Variants in ZNF536 observed in about 807,000 individuals in gnomAD.
ZNF536 encodes the protein zinc finger protein 536.
In ZNF536, 13 loss-of-function variants were observed where a neutral mutation model predicts 84.5. That is an observed-to-expected ratio of 0.15 (90% CI 0.10 to 0.24). The LOEUF is 0.24. ZNF536 is among the 10% of genes least tolerant of loss of function. The pLI is 1.00. For missense variants in ZNF536, 1,536 were observed against 1,747.5 expected (o/e 0.88, Z 2.16); for synonymous variants, 811 against 742.5 (o/e 1.09, Z -1.50).
chr19:30,693,635 A>T (rs1042545870), intron 1 of ZNF536, among the ~76,000 whole-genome samples: 1 of 151,704 alleles, frequency 6.6e-6, no homozygotes, highest in African/African-American at 2.4e-5. Context: ...TTATTTATTT[A>T]TGTCTGCCAC....
At chr19:30,324,734 A>T (rs1266783979) in intron 2 of ZNF536, among the ~76,000 whole-genome samples, 4 of 152,172 alleles carry the variant, frequency 2.6e-5, no homozygotes. Context: ...GAGATCACCA[A>T]CAATGATACA....
Position 30,451,834 on chromosome 19 carries a change from G to A in ZNF536, c.2170+6102G>A, listed in dbSNP as rs1045432240. On this transcript the variant is annotated intron_variant, in intron 2 of 4. Transcript: ENST00000355537. ...AGCTCCATGAAGCTCTCCTCCCTAT[G>A]CATGTTAGCGCAAGGGACGGAACAG... 2.6e-5 allele frequency among the ~76,000 whole-genome samples: 4 copies of A among 152,168 alleles called. No homozygotes were observed. The East Asian group carries it at 7.7e-4, about 29-fold the overall frequency.
intron 1 of ZNF536, among the ~76,000 whole-genome samples, chr19:30,652,164 A>C (rs191519453): frequency 5.9e-4 from 90 of 152,356 alleles, no homozygotes; most frequent in African/African-American, 2.1e-3. Context: ...TGTTCATTAT[A>C]AAATATGAAA....
At chr19:30,324,079 C>T (rs564089786) in intron 2 of ZNF536, among the ~76,000 whole-genome samples, 10 of 151,978 alleles carry the variant, frequency 6.6e-5, no homozygotes, top group African/African-American at 2.4e-4. Flanking sequence ...CATCATCATC[C>T]ATCATCTATT....
chr19:30,437,702 TG>T (rs906623584), intron 1 of ZNF536, among the ~76,000 whole-genome samples: 2 of 151,862 alleles, frequency 1.3e-5, no homozygotes, highest in Non-Finnish European at 2.9e-5. Context: ...AGGTCAGGAC[TG>T]GGGGGGAATG....
intron 1 of ZNF536, among the ~76,000 whole-genome samples, chr19:30,250,770 C>T (rs2145070009): frequency 6.6e-6 from 1 of 152,056 alleles, no homozygotes; most frequent in East Asian, 1.9e-4. Flanking sequence ...ATTCAAAAGG[C>T]ACCATAAAGG....
intron 1 of ZNF536, among the ~76,000 whole-genome samples, chr19:30,245,846 G>A (rs2024233220): frequency 6.6e-6 from 1 of 152,258 alleles, no homozygotes; most frequent in South Asian, 2.1e-4. Context: ...CTTGGTCTGA[G>A]GTTGGCCACG....
chr19:30,454,957 C>T (rs572373690), intron 2 of ZNF536, among the ~76,000 whole-genome samples: 8 of 152,242 alleles, frequency 5.3e-5, no homozygotes, highest in African/African-American at 1.4e-4. Context: ...CGCTTGAATC[C>T]GGGAGGAGGA....
chr19:30,529,545 A>C (rs2044721627), intron 2 of ZNF536, among the ~76,000 whole-genome samples: 1 of 152,188 alleles, frequency 6.6e-6, no homozygotes, highest in African/African-American at 2.4e-5. Context: ...TGGGGAAAGC[A>C]TGCACCTTCA....
chr19:30,406,512 T>G (rs560989198), intron 1 of ZNF536, among the ~76,000 whole-genome samples: 3 of 152,250 alleles, frequency 2.0e-5, no homozygotes, highest in African/African-American at 7.2e-5. Context: ...AAGGATACAT[T>G]GTAGGGCTAT....
At chr19:30,425,130 T>C (rs149614442) in intron 1 of ZNF536, among the ~76,000 whole-genome samples, 5 of 151,924 alleles carry the variant, frequency 3.3e-5, no homozygotes, top group East Asian at 3.9e-4. Flanking sequence ...AGAGTACACA[T>C]TGGGTACAGT....
At chr19:30,405,193 G>T (rs1176285332) in intron 1 of ZNF536, among the ~76,000 whole-genome samples, 2 of 152,110 alleles carry the variant, frequency 1.3e-5, no homozygotes, top group Non-Finnish European at 2.9e-5. Flanking sequence ...CAGAATATAG[G>T]GTGAGACCCT....
chr19:30,268,084 C>T (rs565365070), intron 1 of ZNF536, among the ~76,000 whole-genome samples: 2 of 103,866 alleles, frequency 1.9e-5, no homozygotes, highest in African/African-American at 3.1e-5. Flanking sequence ...TTCCCTCCCC[C>T]CCAGATATAT....
chr19:30,281,303 C>T (rs1421173258), intron 1 of ZNF536, among the ~76,000 whole-genome samples: 1 of 152,210 alleles, frequency 6.6e-6, no homozygotes, highest in Non-Finnish European at 1.5e-5. Context: ...TCAGCCTTCC[C>T]TTCTTTAGCC....
intron 1 of ZNF536, among the ~76,000 whole-genome samples, chr19:30,253,733 C>T (rs1040808728): frequency 2.0e-5 from 3 of 151,920 alleles, no homozygotes; most frequent in East Asian, 1.9e-4. Flanking sequence ...TGTGGGGTGG[C>T]GCCGACAGCT....
chr19:30,518,941 C>A (rs538440785), intron 2 of ZNF536, among the ~76,000 whole-genome samples: 2 of 152,286 alleles, frequency 1.3e-5, no homozygotes, highest in African/African-American at 4.8e-5. Flanking sequence ...GGGAGCAGCA[C>A]GCAGATGGGA....
chr19:30,271,870 AG>A (rs35220646), intron 1 of ZNF536, among the ~76,000 whole-genome samples: 49,333 of 152,070 alleles, frequency 0.32, 9,965 homozygotes, highest in East Asian at 0.61. Flanking sequence ...CAGAGACACA[AG>A]TCCGTGCGTT....
chr19:30,413,339 C>T (rs1344146309), intron 1 of ZNF536, among the ~76,000 whole-genome samples: 1 of 152,146 alleles, frequency 6.6e-6, no homozygotes, highest in East Asian at 1.9e-4. Flanking sequence ...TTTTCACTTT[C>T]TATTCATTAC....
intron 4 of ZNF536, chr19:30,555,294 C>T (rs1480584970): frequency 6.6e-6 from 1 of 152,170 alleles, no homozygotes; most frequent in African/African-American, 2.4e-5. Context: ...CGTCGTGGAG[C>T]TCAGCATCCA....
Sources: allele counts gnomAD v4.1 joint callset (sites outside exome capture counted in the v4.1 genomes callset), GRCh38; gene constraint gnomAD v4.1.1; transcripts MANE v1.5; gene names NCBI Gene and HGNC (gene_info 2026-07-23, HGNC 2026-07-21).